The following ATP2A2 variants were observed in gnomAD, a reference collection of about 807,000 sequenced individuals.
ATP2A2 encodes the protein sarcoplasmic/endoplasmic reticulum calcium ATPase 2.
A neutral mutation model predicts 109.3 loss-of-function variants in ATP2A2; 14 were observed. The observed-to-expected ratio is 0.13, with a 90% confidence interval of 0.08 to 0.20. The LOEUF (loss-of-function observed/expected upper bound fraction) is 0.20. Ranked by LOEUF, ATP2A2 falls within the 10% of genes least tolerant of loss-of-function variation. The pLI, the probability that ATP2A2 is intolerant of heterozygous loss-of-function variation, is 1.00. For synonymous variants in ATP2A2, 506 were observed against 490.9 expected, an observed-to-expected ratio of 1.03 and a Z score of -0.41; for missense variants, 657 against 1,321.6, an observed-to-expected ratio of 0.50 and a Z score of 7.80.
At chr12:110,293,266 G>A (rs1046315594) in intron 4 of ATP2A2, among the ~76,000 whole-genome samples, 1 of 151,248 alleles carries the variant, frequency 6.6e-6, no homozygotes. Context: ...AGTAGAGACG[G>A]GGTTTCACCA....
intron 5 of ATP2A2, among the ~76,000 whole-genome samples, chr12:110,315,732 G>C (rs1213415773): frequency 6.6e-6 from 1 of 152,146 alleles, no homozygotes; most frequent in Non-Finnish European, 1.5e-5. Flanking sequence ...CTTGAGGTTG[G>C]GAGTTCGAGA....
At chr12:110,307,397 C>T (rs1424209661) in intron 5 of ATP2A2, among the ~76,000 whole-genome samples, 1 of 151,734 alleles carries the variant, frequency 6.6e-6, no homozygotes, top group Non-Finnish European at 1.5e-5. Flanking sequence ...ATGACAGGCT[C>T]ATTTTTAAAT....
At chr12:110,317,648 G>C (rs1876811847) in intron 5 of ATP2A2, among the ~76,000 whole-genome samples, 1 of 152,196 alleles carries the variant, frequency 6.6e-6, no homozygotes, top group African/African-American at 2.4e-5. Context: ...AAAGTGCTGG[G>C]ATTACAGGTG....
At chr12:110,290,867 G>T (rs1156921363) in intron 3 of ATP2A2, among the ~76,000 whole-genome samples, 1 of 151,992 alleles carries the variant, frequency 6.6e-6, no homozygotes, top group Non-Finnish European at 1.5e-5. Flanking sequence ...GCCTCCCAAA[G>T]TGCTGGGATT....
intron 3 of ATP2A2, among the ~76,000 whole-genome samples, chr12:110,289,996 G>A (rs1006402262): frequency 6.6e-6 from 1 of 152,198 alleles, no homozygotes; most frequent in Non-Finnish European, 1.5e-5. Context: ...TGAGCTAAAA[G>A]TTTAAACCTC....
intron 5 of ATP2A2, among the ~76,000 whole-genome samples, chr12:110,301,215 A>G (rs1874601045): frequency 6.6e-6 from 1 of 152,066 alleles, no homozygotes; most frequent in Admixed American, 6.6e-5. Flanking sequence ...CCTTAGAGAA[A>G]TTACCCCCAA....
intron 3 of ATP2A2, among the ~76,000 whole-genome samples, chr12:110,285,823 C>G (rs1186112115): frequency 1.3e-5 from 2 of 151,700 alleles, no homozygotes; most frequent in Non-Finnish European, 2.9e-5. Context: ...ATAAAACTTT[C>G]TAGACTGTGG....
At chr12:110,291,919 T>G in intron 3 of ATP2A2, 101 bp from the exon 4 acceptor site, 1 of 1,063,816 alleles carries the variant, frequency 9.4e-7, no homozygotes, top group East Asian at 2.5e-5. Context: ...AGTGCTGGGA[T>G]TACAGGCCTG....
Position 110,281,743 on chromosome 12 carries a change from A to AGGAGGCCGCGGGGACG in ATP2A2, c.-40_-25dup. The AGGAGGCCGCGGGGACG allele has an allele frequency of 7.3e-7, 1 of 1,375,114 alleles. No individual in the cohort carries two copies. Among genetic ancestry groups the AGGAGGCCGCGGGGACG allele is most frequent in the Non-Finnish European group, 9.7e-7 (1 of 1,032,994 alleles). The allele number at this position is 1,375,114 out of a possible 1,614,324, so 85.2% of individuals were successfully genotyped here. A position where few individuals can be genotyped will look rare whatever the true frequency, so the allele number is the denominator to read the frequency against. Reference sequence around the variant, plus strand: ...GCGGCCGGAGTGCGAGGCGGAGGCGAGGAGGCCGCGGGGACGGGAGGCGAG... The same window carrying AGGAGGCCGCGGGGACG: ...GCGGCCGGAGTGCGAGGCGGAGGCGAGGAGGCCGCGGGGACGGGAGGCCGCGGGGACGGGAGGCGAG... On this transcript the variant is annotated 5_prime_UTR_variant, in exon 1 of 20. Coordinates refer to ENST00000539276, the MANE Select transcript of ATP2A2 (RefSeq NM_170665.4).
At position 110,339,109 on chromosome 12, in the gene ATP2A2, T is replaced by C. The variant is rs1182437862; in HGVS notation, c.1420-172T>C. Among the ~76,000 whole-genome samples, 1 of 152,218 alleles carries C rather than the reference T, an allele frequency of 6.6e-6. No homozygotes were observed. Among genetic ancestry groups the C allele is most frequent in the Non-Finnish European group, 1.5e-5 (1 of 68,044 alleles). On this transcript the variant is annotated intron_variant, in intron 11 of 19. Transcript: ENST00000539276. This position sits in a 1 kb window ranked among gnomAD's most constrained non-coding sequence, Gnocchi z 4.4. ...ATAGCACTTGTGTTACTTTTGCATC[T>C]TAGTCTGTCTCTCCCAAAATAGGGG...
chr12:110,320,367 TCTA>T (rs1043537178), intron 5 of ATP2A2, among the ~76,000 whole-genome samples: 2 of 152,244 alleles, frequency 1.3e-5, no homozygotes, highest in African/African-American at 4.8e-5. Context: ...ACAGAAGTCT[TCTA>T]CTCCATAGGA....
chr12:110,336,457 T>C (rs1205026052), intron 11 of ATP2A2, among the ~76,000 whole-genome samples: 1 of 152,148 alleles, frequency 6.6e-6, no homozygotes, highest in Non-Finnish European at 1.5e-5. Context: ...ATTGTGTCAT[T>C]GGGGGGTAGT....
chr12:110,334,369 C>T lies in ATP2A2; in HGVS notation c.1419+226C>T, dbSNP rs557923567. 10 of 582,394 alleles carry T rather than the reference C, an allele frequency of 1.7e-5. No individual in the cohort carries two copies. In the East Asian group the frequency reaches 2.9e-4, roughly 17 times the overall value. 36.1% of individuals were successfully genotyped at this position (582,394 alleles called of 1,614,324 possible). ...TAATTTCCTTGAGCGACCCTCTGGG[C>T]CCACAGGGGCTGCCTTCTCCCATAG... On this transcript the variant is annotated intron_variant, in intron 11 of 19. Coordinates refer to ENST00000539276, the MANE Select transcript of ATP2A2 (RefSeq NM_170665.4).
At chr12:110,300,482 G>C (rs549462835) in intron 5 of ATP2A2, among the ~76,000 whole-genome samples, 3 of 150,382 alleles carry the variant, frequency 2.0e-5, no homozygotes, top group Admixed American at 1.3e-4. Context: ...AGCCTCCCCA[G>C]TAGCTGTGAC....
At chr12:110,333,037 G>C in intron 9 of ATP2A2, 144 bp from the exon 10 acceptor site, 1 of 761,224 alleles carries the variant, frequency 1.3e-6, no homozygotes, top group South Asian at 1.4e-5. Flanking sequence ...TATTGGCTCT[G>C]GCATCAAATT....
chr12:110,309,517 A>G (rs1875770177), intron 5 of ATP2A2, among the ~76,000 whole-genome samples: 1 of 152,212 alleles, frequency 6.6e-6, no homozygotes, highest in South Asian at 2.1e-4. Context: ...AAACTGGGTA[A>G]GCATACATAG....
In ATP2A2 at chr12:110,349,343, C is replaced by T. The variant is rs1365015977; in HGVS notation, c.*2873C>T. The T allele has an allele frequency of 4.1e-6, 4 of 985,412 alleles. No individual in the cohort carries two copies. The highest frequency in any genetic ancestry group is 1.1e-4 in the East Asian group (1 of 8,828). The allele number at this position is 985,412 out of a possible 1,614,324, so 61.0% of individuals were successfully genotyped here. On this transcript the variant is annotated 3_prime_UTR_variant, in exon 20 of 20. Transcript: ENST00000539276. ...TCAGGCAGCTCTTGCCTGAAACTTACTTCCACATTCTTTCCTGATGGGCAG... is the reference window on the plus strand; with the variant it reads ...TCAGGCAGCTCTTGCCTGAAACTTATTTCCACATTCTTTCCTGATGGGCAG...
intron 8 of ATP2A2, among the ~76,000 whole-genome samples, chr12:110,328,943 C>T (rs1878069954): frequency 6.6e-6 from 1 of 152,160 alleles, no homozygotes; most frequent in South Asian, 2.1e-4. Context: ...TGCTAGTTAA[C>T]CTCCCTACCT....
chr12:110,342,512 T>A lies in ATP2A2; in HGVS notation c.2318+64T>A. On this transcript the variant is annotated intron_variant, in intron 15 of 19. Transcript: ENST00000539276. The surrounding 1 kb of genome is among the most constrained non-coding windows in gnomAD (Gnocchi z 4.6). Reference sequence around the variant, plus strand: ...ATCTAAATGGGTCATGGAGCCCAGTTCTCGCAGTTTGCTCTCCAGATTGCA... The same window carrying A: ...ATCTAAATGGGTCATGGAGCCCAGTACTCGCAGTTTGCTCTCCAGATTGCA... 6.5e-7 allele frequency: 1 copy of A among 1,548,148 alleles called. No individual in the cohort carries two copies. The highest frequency in any genetic ancestry group is 8.8e-7 in the Non-Finnish European group (1 of 1,130,756).
Sources: gnomAD v4.1 joint callset for allele counts (sites outside exome capture counted in the v4.1 genomes callset) on GRCh38, gnomAD v4.1.1 for gene constraint, Gnocchi (gnomAD v3.1) non-coding constraint, MANE v1.5 for transcripts, NCBI Gene and HGNC (gene_info 2026-07-23, HGNC 2026-07-21) for gene names.